MVB12B: variants seen among roughly 807,000 people sequenced by gnomAD.
MVB12B encodes ESCRT-I complex subunit MVB12B.
Under a neutral mutation model 41.6 loss-of-function variants are expected in MVB12B, and 16 were observed. The ratio of observed to expected loss-of-function variants is 0.38; its 90% CI spans 0.26 to 0.58. The LOEUF (loss-of-function observed/expected upper bound fraction) is 0.58, where lower values mean the gene tolerates loss of function less well. MVB12B is among the 20% of genes least tolerant of loss of function. The pLI, the probability that MVB12B is intolerant of heterozygous loss-of-function variation, is 0.62. For missense variants in MVB12B, 274 were observed against 380.2 expected, an observed-to-expected ratio of 0.72 and a Z score of 2.32; for synonymous variants, 133 against 139.7, an observed-to-expected ratio of 0.95 and a Z score of 0.34.
At chr9:126,498,814 G>A (rs987715958) in intron 9 of MVB12B, among the ~76,000 whole-genome samples, 1 of 152,218 alleles carries the variant, frequency 6.6e-6, no homozygotes, top group African/African-American at 2.4e-5. Flanking sequence ...GGTGTGGGAA[G>A]GAGGGAGGAG....
At position 126,503,378 on chromosome 9, in the gene MVB12B, G is replaced by A. The variant is rs1834003680; in HGVS notation, c.*115G>A. The A allele has an allele frequency of 1.2e-6, 1 of 847,428 alleles. No individual in the cohort carries two copies. Among genetic ancestry groups the A allele is most frequent in the Non-Finnish European group, 1.8e-6 (1 of 547,712 alleles). 52.5% of individuals were successfully genotyped at this position (847,428 alleles called of 1,614,324 possible). ...CAGCCCTCCCTCCCACACTGCCCCA[G>A]CAGGGCTGGCCCGGAGACTGGGCAG... On this transcript the variant is annotated 3_prime_UTR_variant, in exon 10 of 10. Transcript: ENST00000361171.
intron 7 of MVB12B, among the ~76,000 whole-genome samples, chr9:126,461,244 G>A (rs547579287): frequency 1.8e-3 from 279 of 152,362 alleles, no homozygotes; most frequent in Non-Finnish European, 3.3e-3. Context: ...CACAACCGCC[G>A]AAGGCTGGCC....
chr9:126,342,218 G>C (rs544469425), intron 2 of MVB12B, among the ~76,000 whole-genome samples: 1 of 152,348 alleles, frequency 6.6e-6, no homozygotes, highest in East Asian at 1.9e-4. Context: ...TTCCCGCTGT[G>C]GGAGAGGACG....
intron 2 of MVB12B, among the ~76,000 whole-genome samples, chr9:126,377,628 C>T (rs766766323): frequency 2.6e-5 from 4 of 152,144 alleles, no homozygotes; most frequent in Admixed American, 1.3e-4. Flanking sequence ...GGAGCCCATC[C>T]GTGTCAGGCA....
chr9:126,495,055 G>A (rs1833802195), intron 9 of MVB12B, among the ~76,000 whole-genome samples: 1 of 152,104 alleles, frequency 6.6e-6, no homozygotes, highest in Non-Finnish European at 1.5e-5. Flanking sequence ...AGCCAGGTGT[G>A]GTGGTGCATG....
At chr9:126,335,271 T>A (rs934202025) in intron 1 of MVB12B, 4 of 1,271,818 alleles carry the variant, frequency 3.1e-6, no homozygotes, top group Non-Finnish European at 4.1e-6. Flanking sequence ...TCAGAAGGTG[T>A]CAGGATGCTA....
chr9:126,503,067 C>G (rs1833993302), intron 9 of MVB12B, 110 bp from the exon 10 acceptor site: 1 of 955,188 alleles, frequency 1.0e-6, no homozygotes, highest in African/African-American at 1.6e-5. Context: ...TGTCAAGATG[C>G]CCCACGAGGC....
chr9:126,478,459 A>G lies in MVB12B; in HGVS notation c.758-2910A>G, dbSNP rs928836735. 6.6e-6 allele frequency among the ~76,000 whole-genome samples: 1 copy of G among 152,142 alleles called. No homozygotes were observed. Among genetic ancestry groups the G allele is most frequent in the African/African-American group, 2.4e-5 (1 of 41,440 alleles). On this transcript the variant is annotated intron_variant, in intron 7 of 9. Coordinates refer to ENST00000361171, the MANE Select transcript of MVB12B (RefSeq NM_033446.3). The surrounding 1 kb of genome is among the most constrained non-coding windows in gnomAD (Gnocchi z 4.2). ...GCAGAGGTGACTCGCACATGCACCT[A>G]CAATAAGAGGAGAGGAGACACGGGC...
intron 7 of MVB12B, among the ~76,000 whole-genome samples, chr9:126,469,923 T>A (rs1833276713): frequency 6.6e-6 from 1 of 152,136 alleles, no homozygotes; most frequent in South Asian, 2.1e-4. Context: ...GTTAAAAAAA[T>A]GTTTCTTTAA....
intron 7 of MVB12B, among the ~76,000 whole-genome samples, chr9:126,457,247 T>G (rs759571760): frequency 1.3e-5 from 2 of 152,136 alleles, no homozygotes; most frequent in Non-Finnish European, 2.9e-5. Context: ...ATCACCAACA[T>G]TAGCAGTTGG....
At chr9:126,498,699 C>G (rs974388922) in intron 9 of MVB12B, among the ~76,000 whole-genome samples, 2 of 152,254 alleles carry the variant, frequency 1.3e-5, no homozygotes, top group Non-Finnish European at 2.9e-5. Context: ...AAGTCAGATC[C>G]TTTCTTGGGC....
chr9:126,446,938 C>CTTTTTTTTTTT (rs33991689), intron 7 of MVB12B, among the ~76,000 whole-genome samples: 1 of 104,324 alleles, frequency 9.6e-6, no homozygotes, highest in African/African-American at 3.9e-5. Context: ...TTTTAACTTT[C>CTTTTTTTTTTT]TTTTTTTTTT....
At position 126,440,833 on chromosome 9, in the gene MVB12B, G is replaced by A. The variant is rs567391551; in HGVS notation, c.757+18885G>A. ...CATAATTGGACATTTCTTCCCTGTA[G>A]GCTAATGCAGGCACAGCCCGTGCAT... On this transcript the variant is annotated intron_variant, in intron 7 of 9. Coordinates refer to ENST00000361171, the MANE Select transcript of MVB12B (RefSeq NM_033446.3). Among the ~76,000 whole-genome samples, 3 of 152,294 alleles carry A rather than the reference G, an allele frequency of 2.0e-5. No individual in the cohort carries two copies. In the East Asian group the frequency reaches 5.8e-4, roughly 29 times the overall value.
chr9:126,410,677 C>T (rs938321827), intron 6 of MVB12B, among the ~76,000 whole-genome samples: 5 of 152,086 alleles, frequency 3.3e-5, no homozygotes, highest in South Asian at 2.1e-4. Context: ...CCGGAGCCTC[C>T]GTTGCCCATC....
At chr9:126,334,058 C>A (rs916483640) in intron 1 of MVB12B, among the ~76,000 whole-genome samples, 1 of 152,202 alleles carries the variant, frequency 6.6e-6, no homozygotes, top group Non-Finnish European at 1.5e-5. Flanking sequence ...TCCGTTTTAA[C>A]GACCTCTTCT....
intron 2 of MVB12B, among the ~76,000 whole-genome samples, chr9:126,358,201 C>T (rs1400907071): frequency 1.3e-5 from 2 of 152,146 alleles, no homozygotes; most frequent in Non-Finnish European, 2.9e-5. Context: ...CAAACCCATA[C>T]TCTTTGATTA....
At position 126,503,401 on chromosome 9, in the gene MVB12B, C is replaced by T. The variant is rs1834004253; in HGVS notation, c.*138C>T. 3 of 692,072 alleles carry T rather than the reference C, an allele frequency of 4.3e-6. No individual in the cohort carries two copies. 42.9% of individuals were successfully genotyped at this position (692,072 alleles called of 1,614,324 possible). ...CAGCAGGGCTGGCCCGGAGACTGGG[C>T]AGCTAAGTGGGCGCATCCTGTCTTC... On this transcript the variant is annotated 3_prime_UTR_variant, in exon 10 of 10. Transcript: ENST00000361171.
chr9:126,428,453 A>G (rs984071167), intron 7 of MVB12B, among the ~76,000 whole-genome samples: 8 of 152,134 alleles, frequency 5.3e-5, no homozygotes, highest in African/African-American at 7.2e-5. Flanking sequence ...AATTCCAAAC[A>G]TATTTTCCTT....
rs1379404409 is a variant in MVB12B, at chr9:126,395,562, T to A, written c.540-13T>A. 2 of 1,614,052 alleles carry A rather than the reference T, an allele frequency of 1.2e-6. No individual in the cohort carries two copies. Among genetic ancestry groups the A allele is most frequent in the Non-Finnish European group, 1.7e-6 (2 of 1,179,946 alleles). On this transcript the variant is annotated splice_polypyrimidine_tract_variant and intron_variant, in intron 5 of 9. Coordinates refer to ENST00000361171, the MANE Select transcript of MVB12B (RefSeq NM_033446.3). This position sits in a 1 kb window ranked among gnomAD's most constrained non-coding sequence, Gnocchi z 4.9. ...CTAACCAGAGCCATGAAGATTTCTC[T>A]TTTTTCCTAAAGGGAACTGAACAGC...
Sources: gnomAD v4.1 joint callset for allele counts (sites outside exome capture counted in the v4.1 genomes callset) on GRCh38, gnomAD v4.1.1 for gene constraint, Gnocchi (gnomAD v3.1) non-coding constraint, MANE v1.5 for transcripts, NCBI Gene and HGNC (gene_info 2026-07-23, HGNC 2026-07-21) for gene names.